The following CADPS2 variants were observed in gnomAD, a reference collection of about 807,000 sequenced individuals.
CADPS2 encodes the protein calcium dependent secretion activator 2, also known as calcium-dependent secretion activator 2.
CADPS2 carries 93 observed loss-of-function variants against 172.5 expected under a neutral mutation model. The observed-to-expected ratio is 0.54, with a 90% confidence interval of 0.46 to 0.64. CADPS2 has a LOEUF of 0.64. Ranked by LOEUF, CADPS2 falls within the 30% of genes least tolerant of loss-of-function variation. The probability of loss-of-function intolerance (pLI) is 0.00; values close to 1 mark genes in which losing one functional copy is unlikely to be tolerated. For missense variants in CADPS2, 1,420 were observed against 1,565.9 expected (o/e 0.91, Z 1.57); for synonymous variants, 546 against 555.2 (o/e 0.98, Z 0.23).
intron 2 of CADPS2, among the ~76,000 whole-genome samples, chr7:122,709,488 A>G (rs2088280305): frequency 6.6e-6 from 1 of 151,902 alleles, no homozygotes; most frequent in Non-Finnish European, 1.5e-5. Context: ...CCATTGTGGA[A>G]GCCAGTGCAG....
At position 122,471,446 on chromosome 7, in the gene CADPS2, A is replaced by AT; in HGVS notation, c.2114dup (p.Asn705LysfsTer6). 6.2e-7 allele frequency: 1 copy of AT among 1,613,436 alleles called. No individual in the cohort carries two copies. The highest frequency in any genetic ancestry group is 8.5e-7 in the Non-Finnish European group (1 of 1,179,696). ...GCAGGGTAGGGTCAATGACAGCACCATTTTCTGAATGTTCCATCAGTTCTG... is the reference window on the plus strand; with the variant it reads ...GCAGGGTAGGGTCAATGACAGCACCATTTTTCTGAATGTTCCATCAGTTCTG... On this transcript the variant is annotated frameshift_variant, in exon 14 of 30. Transcript: ENST00000449022. LOFTEE classifies it high-confidence loss of function.
At chr7:122,717,715 G>A (rs1347217728) in intron 2 of CADPS2, among the ~76,000 whole-genome samples, 1 of 152,102 alleles carries the variant, frequency 6.6e-6, no homozygotes, top group Non-Finnish European at 1.5e-5. Context: ...ACCTTGGTGA[G>A]GGCATAAGCA....
At chr7:122,766,301 G>A (rs555066684) in intron 1 of CADPS2, among the ~76,000 whole-genome samples, 1 of 152,186 alleles carries the variant, frequency 6.6e-6, no homozygotes, top group South Asian at 2.1e-4. Context: ...GAGTTTTGGA[G>A]AGGACAAATC....
At chr7:122,755,192 A>G (rs2093108132) in intron 1 of CADPS2, among the ~76,000 whole-genome samples, 1 of 152,212 alleles carries the variant, frequency 6.6e-6, no homozygotes, top group South Asian at 2.1e-4. Context: ...CCTGCAGTCT[A>G]CATGTCTTGT....
intron 2 of CADPS2, among the ~76,000 whole-genome samples, chr7:122,710,049 TAAAAAAA>T (rs34082235): frequency 1.5e-4 from 14 of 93,502 alleles, no homozygotes; most frequent in African/African-American, 5.0e-4. Flanking sequence ...TAAAGTATAA[TAAAAAAA>T]AAAAAAAAAT....
At chr7:122,816,452 G>A (rs533412635) in intron 1 of CADPS2, among the ~76,000 whole-genome samples, 12 of 152,240 alleles carry the variant, frequency 7.9e-5, no homozygotes, top group African/African-American at 1.7e-4. Context: ...GGACATTTAC[G>A]TTGATTCCAT....
intron 3 of CADPS2, among the ~76,000 whole-genome samples, chr7:122,643,687 G>A (rs1227847433): frequency 1.3e-5 from 2 of 152,026 alleles, no homozygotes; most frequent in Non-Finnish European, 2.9e-5. Context: ...GCAGAGGGAA[G>A]AGAAAGGAGG....
chr7:122,783,037 C>T (rs1457464778), intron 1 of CADPS2, among the ~76,000 whole-genome samples: 1 of 151,568 alleles, frequency 6.6e-6, no homozygotes, highest in Non-Finnish European at 1.5e-5. Context: ...ACAGTGAATC[C>T]CCATTGCTAC....
chr7:122,751,246 T>C (rs1298478152), intron 1 of CADPS2, among the ~76,000 whole-genome samples: 3 of 152,162 alleles, frequency 2.0e-5, no homozygotes, highest in Non-Finnish European at 4.4e-5. Flanking sequence ...CCCAAAGTGC[T>C]AGGCGCTTCC....
intron 2 of CADPS2, among the ~76,000 whole-genome samples, chr7:122,677,087 C>T (rs1398007043): frequency 2.0e-5 from 3 of 152,182 alleles, no homozygotes; most frequent in Admixed American, 6.5e-5. Context: ...CCAAGACAAA[C>T]CAAAATGCCA....
intron 8 of CADPS2, among the ~76,000 whole-genome samples, chr7:122,517,082 C>T (rs2060434915): frequency 6.6e-6 from 1 of 152,076 alleles, no homozygotes; most frequent in African/African-American, 2.4e-5. Flanking sequence ...CTGGCAACCC[C>T]TCATTTGATT....
chr7:122,874,523 G>GA (rs1252096263), intron 1 of CADPS2, among the ~76,000 whole-genome samples: 1 of 152,118 alleles, frequency 6.6e-6, no homozygotes, highest in African/African-American at 2.4e-5. Flanking sequence ...CACAGAATTA[G>GA]AAAAAACTAC....
chr7:122,855,360 A>G (rs1401161900), intron 1 of CADPS2, among the ~76,000 whole-genome samples: 1 of 152,254 alleles, frequency 6.6e-6, no homozygotes, highest in Non-Finnish European at 1.5e-5. Flanking sequence ...AATAAGGTAC[A>G]TACAGAGAAA....
intron 2 of CADPS2, among the ~76,000 whole-genome samples, chr7:122,665,306 C>T (rs2081071042): frequency 1.3e-5 from 2 of 152,184 alleles, no homozygotes; most frequent in South Asian, 4.1e-4. Flanking sequence ...AGTTCTCCCT[C>T]TTAAGGTCAC....
At chr7:122,649,246 C>T (rs1466080498) in intron 3 of CADPS2, among the ~76,000 whole-genome samples, 2 of 152,070 alleles carry the variant, frequency 1.3e-5, no homozygotes, top group African/African-American at 2.4e-5. Context: ...GCTGTTTTCT[C>T]CCTCATGGTT....
intron 3 of CADPS2, among the ~76,000 whole-genome samples, chr7:122,653,533 C>T (rs1012396508): frequency 6.6e-6 from 1 of 152,086 alleles, no homozygotes; most frequent in African/African-American, 2.4e-5. Context: ...TGGAATATAA[C>T]AAAAGAAAAA....
At chr7:122,799,292 T>C (rs1336171765) in intron 1 of CADPS2, among the ~76,000 whole-genome samples, 1 of 152,166 alleles carries the variant, frequency 6.6e-6, no homozygotes, top group African/African-American at 2.4e-5. Context: ...GACAGAAGCA[T>C]ATTTTTAAGA....
At chr7:122,621,353 G>T in intron 5 of CADPS2, 128 bp downstream of exon 5, 1 of 652,028 alleles carries the variant, frequency 1.5e-6, no homozygotes, top group Non-Finnish European at 2.6e-6. Flanking sequence ...AACAAATGGA[G>T]AATAATTTAA....
intron 2 of CADPS2, chr7:122,702,303 T>C (rs1471884528): frequency 1.2e-6 from 2 of 1,613,842 alleles, no homozygotes; most frequent in Admixed American, 1.7e-5. Context: ...ACCGCGACTA[T>C]ATTTTCCGTC....
Sources: allele counts gnomAD v4.1 joint callset (sites outside exome capture counted in the v4.1 genomes callset), GRCh38; gene constraint gnomAD v4.1.1; transcripts MANE v1.5; gene names NCBI Gene and HGNC (gene_info 2026-07-23, HGNC 2026-07-21).